The following LAMA3 variants were observed in gnomAD, a reference collection of about 807,000 sequenced individuals.
LAMA3 encodes the protein laminin subunit alpha 3.
Under a neutral mutation model 402.0 loss-of-function variants are expected in LAMA3, and 281 were observed. That is an observed-to-expected ratio of 0.70 (90% confidence interval 0.63 to 0.77). LAMA3 has a LOEUF of 0.77. LAMA3 is among the 30% of genes least tolerant of loss of function. The pLI is 0.00. For synonymous variants in LAMA3, 1,431 were observed against 1,558.4 expected, an observed-to-expected ratio of 0.92 and a Z score of 1.93; for missense variants, 3,840 against 4,215.5, an observed-to-expected ratio of 0.91 and a Z score of 2.47.
intron 2 of LAMA3, among the ~76,000 whole-genome samples, chr18:23,714,674 A>C (rs1036374236): frequency 6.6e-6 from 1 of 152,230 alleles, no homozygotes; most frequent in African/African-American, 2.4e-5. Flanking sequence ...AAAGAGACAC[A>C]ACATAAAATT....
intron 2 of LAMA3, among the ~76,000 whole-genome samples, chr18:23,731,685 C>CCA: frequency 6.6e-6 from 1 of 152,064 alleles, no homozygotes; most frequent in Non-Finnish European, 1.5e-5. Context: ...TCCCATGAGC[C>CCA]TGGAATTCCT....
At chr18:23,812,957 A>G in intron 13 of LAMA3, 100 bp from the exon 14 acceptor site, 2 of 799,454 alleles carry the variant, frequency 2.5e-6, no homozygotes, top group Admixed American at 1.9e-5. Flanking sequence ...ATAAATGTAG[A>G]TACACTATTT....
At chr18:23,869,911 A>G (rs2064466251) in intron 37 of LAMA3, among the ~76,000 whole-genome samples, 1 of 152,172 alleles carries the variant, frequency 6.6e-6, no homozygotes, top group Non-Finnish European at 1.5e-5. Flanking sequence ...TACTAAAAAT[A>G]CAAAAAATTA....
Position 23,901,298 on chromosome 18 carries a change from A to G in LAMA3, c.6176A>G (p.Asn2059Ser). ...CAGGCAAATGGCTTGAACCAAGAAA[A>G]CGAGAGAGCTTTGGGAGCCATTCAG... The part of the protein sequence containing the change: ...AKQANGLNQE[N>S]ERALGAIQRQ... The change falls in exon 48 of 75, where the codon AAC becomes AGC. Residue 2059 changes from asparagine to serine, a missense_variant. Asn to Ser is a conservative substitution (Grantham distance 46). Around this residue, in one of 3 missense-constraint regions of LAMA3, gnomAD observed 891 missense variants for 857.5 expected, o/e 1.04. Transcript: ENST00000313654. 6.2e-7 allele frequency: 1 copy of G among 1,614,122 alleles called. No homozygotes were observed. Among genetic ancestry groups the G allele is most frequent in the South Asian group, 1.1e-5 (1 of 91,084 alleles).
At chr18:23,837,570 G>GATAGATATATATATATATATAT (rs368371253) in intron 25 of LAMA3, among the ~76,000 whole-genome samples, 56 of 83,284 alleles carry the variant, frequency 6.7e-4, no homozygotes, top group African/African-American at 1.9e-3. Context: ...CAGTTAATCA[G>GATAGATATATATATATATATAT]ATATATATAT....
At chr18:23,826,648 A>G (rs555418132) in intron 21 of LAMA3, 54 bp from the exon 22 acceptor site, 2 of 1,286,176 alleles carry the variant, frequency 1.6e-6, no homozygotes, top group South Asian at 1.3e-5. Flanking sequence ...TTTTCTATCC[A>G]AAGTAGGGCT....
intron 34 of LAMA3, among the ~76,000 whole-genome samples, chr18:23,859,337 C>T (rs1356994780): frequency 1.3e-5 from 2 of 152,176 alleles, no homozygotes; most frequent in African/African-American, 4.8e-5. Flanking sequence ...GGGTGTCCTG[C>T]AATTCAATTC....
chr18:23,893,587 A>C (rs965090915), intron 42 of LAMA3, among the ~76,000 whole-genome samples: 1 of 151,936 alleles, frequency 6.6e-6, no homozygotes, highest in Non-Finnish European at 1.5e-5. Context: ...CCCCCTCCCC[A>C]CCGGCCAAAA....
rs1273209196 is a variant in LAMA3 at position 23,946,217 on chromosome 18, C to T, written c.9284C>T (p.Pro3095Leu). 6.2e-7 allele frequency: 1 copy of T among 1,613,930 alleles called. No individual in the cohort carries two copies. Among genetic ancestry groups the T allele is most frequent in the Non-Finnish European group, 8.5e-7 (1 of 1,179,978 alleles). ...DGLRAREGSL[P>L]GNSTISIRAP... ...CTGAGGGCCCGGGAGGGAAGTTTGC[C>T]TGGAAACTCCACCATCAGCATCAGA... The change falls in exon 70 of 75, where the codon CCT (proline) becomes CTT (leucine). Residue 3095 changes from proline (P) to leucine (L), a missense_variant. Pro to Leu is a moderately conservative substitution (Grantham distance 98). Around this residue, in one of 3 missense-constraint regions of LAMA3, gnomAD observed 840 missense variants for 981.9 expected, o/e 0.86. Transcript: ENST00000313654.
At position 23,816,488 on chromosome 18, in the gene LAMA3, G is replaced by C; in HGVS notation, c.2147+1G>C. The stretch of plus-strand genomic sequence containing the variant: ...ATGTCGTGGGAAAGGTGTGCCAGCG[G>C]TGAGTCTTCGGGAGGCTTCTTCCCA... On this transcript the variant is annotated splice_donor_variant, in intron 18 of 74. Transcript: ENST00000313654. LOFTEE classifies it high-confidence loss of function. 6.2e-7 allele frequency: 1 copy of C among 1,613,066 alleles called. No homozygotes were observed. Among genetic ancestry groups the C allele is most frequent in the South Asian group, 1.1e-5 (1 of 91,050 alleles).
Position 23,699,024 on chromosome 18 carries a change from T to TAGAGAG in LAMA3, c.294+9073_294+9078dup, listed in dbSNP as rs34691495. Among the ~76,000 whole-genome samples the TAGAGAG allele has an allele frequency of 4.1e-3, 583 of 142,552 alleles. 5 individuals carry two copies. Among genetic ancestry groups the TAGAGAG allele is most frequent in the African/African-American group, 0.014 (504 of 37,248 alleles). 93.5% of individuals were successfully genotyped at this position (142,552 alleles called of 152,430 possible). On this transcript the variant is annotated intron_variant, in intron 1 of 74. Coordinates refer to ENST00000313654, the MANE Select transcript of LAMA3 (RefSeq NM_198129.4). ...AGTTTGGGAGGCTGAGGCGGGCAGA[T>TAGAGAG]AGAGAGAGAGAGAGAGAGAGAGAGA...
intron 1 of LAMA3, among the ~76,000 whole-genome samples, chr18:23,693,983 C>T (rs1001650676): frequency 2.7e-5 from 4 of 149,832 alleles, no homozygotes; most frequent in Non-Finnish European, 5.9e-5. Context: ...TGCATCTGCT[C>T]AGAGGCAGGG....
chr18:23,746,092 T>C (rs1458686243), intron 2 of LAMA3, among the ~76,000 whole-genome samples: 1 of 152,216 alleles, frequency 6.6e-6, no homozygotes, highest in African/African-American at 2.4e-5. Context: ...ATTTTCAGAG[T>C]ACATTATAAT....
chr18:23,714,769 C>G (rs1335475959), intron 2 of LAMA3, among the ~76,000 whole-genome samples: 1 of 152,164 alleles, frequency 6.6e-6, no homozygotes, highest in Non-Finnish European at 1.5e-5. Flanking sequence ...TCATCCATCT[C>G]TAGAACCCTT....
chr18:23,693,581 T>C (rs1309805043), intron 1 of LAMA3, among the ~76,000 whole-genome samples: 1 of 152,072 alleles, frequency 6.6e-6, no homozygotes, highest in African/African-American at 2.4e-5. Context: ...CTGAACACAT[T>C]TGCCATGCTA....
chr18:23,840,439 G>A (rs79298589), intron 27 of LAMA3, among the ~76,000 whole-genome samples: 5,687 of 135,056 alleles, frequency 0.042, 159 homozygotes, highest in Non-Finnish European at 0.059. Flanking sequence ...CTTGAGTGCA[G>A]TGGCATGATC....
intron 1 of LAMA3, among the ~76,000 whole-genome samples, chr18:23,708,620 G>A (rs1298503685): frequency 6.6e-6 from 1 of 151,964 alleles, no homozygotes; most frequent in Non-Finnish European, 1.5e-5. Context: ...TTTTCTAGTT[G>A]TTTGCTGCTA....
chr18:23,941,592 A>G (rs1699292053), intron 68 of LAMA3, among the ~76,000 whole-genome samples: 1 of 152,172 alleles, frequency 6.6e-6, no homozygotes, highest in Non-Finnish European at 1.5e-5. Context: ...ATTCTGATTT[A>G]CATTCTAGCA....
rs1304994743 is a variant in LAMA3, at chr18:23,839,757, T to C, written c.3192-28T>C. ...CTGTAGCTTTGGGTTCTTTTAAAAA[T>C]CAGATTTTTAAATATTCTATTTTTC... On this transcript the variant is annotated intron_variant, in intron 26 of 74. Coordinates refer to ENST00000313654, the MANE Select transcript of LAMA3 (RefSeq NM_198129.4). The surrounding 1 kb of genome is among the most constrained non-coding windows in gnomAD (Gnocchi z 4.5). 1 of 1,613,624 alleles carries C rather than the reference T, an allele frequency of 6.2e-7. No homozygotes were observed. The highest frequency in any genetic ancestry group is 8.5e-7 in the Non-Finnish European group (1 of 1,179,554).
Sources: gnomAD v4.1 joint callset for allele counts (sites outside exome capture counted in the v4.1 genomes callset) on GRCh38, gnomAD v4.1.1 for gene constraint, gnomAD v4.1.1 regional missense constraint, Gnocchi (gnomAD v3.1) non-coding constraint, MANE v1.5 for transcripts, NCBI Gene and HGNC (gene_info 2026-07-23, HGNC 2026-07-21) for gene names.